Variants in DPP6 observed in about 807,000 individuals in gnomAD.
DPP6 encodes the protein A-type potassium channel modulatory protein DPP6.
DPP6 carries 69 observed loss-of-function variants against 122.6 expected under a neutral mutation model. That is an observed-to-expected ratio of 0.56 (90% confidence interval 0.46 to 0.69). The LOEUF (loss-of-function observed/expected upper bound fraction) is 0.69. DPP6 is among the 30% of genes least tolerant of loss of function. DPP6 has a pLI of 0.00. For synonymous variants in DPP6, 418 were observed against 433.1 expected, an observed-to-expected ratio of 0.97 and a Z score of 0.43; for missense variants, 928 against 1,116.9, an observed-to-expected ratio of 0.83 and a Z score of 2.41.
intron 16 of DPP6, among the ~76,000 whole-genome samples, chr7:154,819,921 G>T (rs1799653963): frequency 6.6e-6 from 1 of 152,182 alleles, no homozygotes; most frequent in Non-Finnish European, 1.5e-5. Context: ...AGTAGATGCT[G>T]CCGCCTCCCA....
At chr7:153,922,733 T>TA (rs1800697318) in intron 1 of DPP6, among the ~76,000 whole-genome samples, 1 of 152,192 alleles carries the variant, frequency 6.6e-6, no homozygotes, top group Non-Finnish European at 1.5e-5. Flanking sequence ...TGAAATGTGG[T>TA]AAAAGAACAT....
the DPP6 span, among the ~76,000 whole-genome samples, chr7:153,800,129 A>G: frequency 2.0e-5 from 3 of 152,236 alleles, no homozygotes; most frequent in African/African-American, 7.2e-5. Context: ...CACCCATTTT[A>G]TTACAGCACT....
At chr7:154,115,604 A>G (rs1806927650) in intron 1 of DPP6, among the ~76,000 whole-genome samples, 1 of 152,182 alleles carries the variant, frequency 6.6e-6, no homozygotes, top group Non-Finnish European at 1.5e-5. Flanking sequence ...AAAAGTTCAC[A>G]CGGACTGTAA....
chr7:154,623,661 A>G (rs62477228), intron 5 of DPP6, among the ~76,000 whole-genome samples: 34 of 72,622 alleles, frequency 4.7e-4, no homozygotes, highest in Non-Finnish European at 8.0e-4. Context: ...ACGCGCACAC[A>G]CACGCACACA....
At chr7:154,868,491 C>T (rs1043433869) in intron 18 of DPP6, among the ~76,000 whole-genome samples, 2 of 152,184 alleles carry the variant, frequency 1.3e-5, no homozygotes, top group African/African-American at 2.4e-5. Flanking sequence ...TGAGGGGCGT[C>T]CTTGCAGCCA....
At chr7:154,392,285 C>T (rs1392081857) in intron 1 of DPP6, among the ~76,000 whole-genome samples, 1 of 152,142 alleles carries the variant, frequency 6.6e-6, no homozygotes, top group African/African-American at 2.4e-5. Flanking sequence ...AACAAACAAA[C>T]AAACAACTGT....
chr7:154,549,939 G>A (rs1483017174), intron 4 of DPP6, among the ~76,000 whole-genome samples: 1 of 152,066 alleles, frequency 6.6e-6, no homozygotes, highest in Non-Finnish European at 1.5e-5. Flanking sequence ...ATTCACAAAA[G>A]TATACTTTAC....
chr7:154,088,043 T>C (rs1387381915), intron 1 of DPP6, among the ~76,000 whole-genome samples: 8 of 152,134 alleles, frequency 5.3e-5, no homozygotes, highest in Admixed American at 3.3e-4. Flanking sequence ...CTTATGTCCC[T>C]CATTGGAATC....
chr7:153,958,402 G>A (rs577775200), intron 1 of DPP6, among the ~76,000 whole-genome samples: 7 of 152,186 alleles, frequency 4.6e-5, no homozygotes, highest in East Asian at 2.0e-4. Flanking sequence ...GAGCTGTTGC[G>A]GTTCTAACAC....
At chr7:154,742,631 G>A (rs537766719) in intron 8 of DPP6, among the ~76,000 whole-genome samples, 1 of 152,336 alleles carries the variant, frequency 6.6e-6, no homozygotes, top group Non-Finnish European at 1.5e-5. Context: ...TGGAGGAGAC[G>A]CAAAATAGCT....
At chr7:154,806,916 C>T (rs761109022) in intron 15 of DPP6, 78 bp from the exon 16 acceptor site, 445 of 1,565,048 alleles carry the variant, frequency 2.8e-4, no homozygotes, top group Non-Finnish European at 3.7e-4. Flanking sequence ...ATGGGGAGAG[C>T]CCACCAGCTT....
intron 1 of DPP6, among the ~76,000 whole-genome samples, chr7:154,157,240 G>C (rs1796730951): frequency 6.6e-6 from 1 of 152,248 alleles, no homozygotes; most frequent in Non-Finnish European, 1.5e-5. Flanking sequence ...GAAGGAATCA[G>C]ATAGTGATAA....
intron 7 of DPP6, among the ~76,000 whole-genome samples, chr7:154,721,848 C>T (rs1056056273): frequency 6.6e-6 from 1 of 152,108 alleles, no homozygotes; most frequent in Non-Finnish European, 1.5e-5. Flanking sequence ...GGTTGACTCA[C>T]TTGCTCTTCA....
chr7:154,888,511 C>T (rs1806346696), intron 23 of DPP6, among the ~76,000 whole-genome samples: 1 of 152,168 alleles, frequency 6.6e-6, no homozygotes. Context: ...GGAGGGAGGC[C>T]AGAGCTCCTG....
At chr7:153,863,868 A>T in the DPP6 span, among the ~76,000 whole-genome samples, 8 of 152,172 alleles carry the variant, frequency 5.3e-5, no homozygotes, top group Non-Finnish European at 1.0e-4. Context: ...TTAGGATGAA[A>T]TGTTTTCAAA....
At chr7:154,298,590 C>G (rs945159192) in intron 1 of DPP6, among the ~76,000 whole-genome samples, 2 of 152,152 alleles carry the variant, frequency 1.3e-5, no homozygotes, top group African/African-American at 4.8e-5. Context: ...GAGATGTACC[C>G]GTGTTCTTTT....
intron 8 of DPP6, among the ~76,000 whole-genome samples, chr7:154,736,729 T>G (rs966245238): frequency 5.0e-4 from 76 of 152,386 alleles, no homozygotes; most frequent in African/African-American, 1.8e-3. Flanking sequence ...AGTCAAGAAC[T>G]GTATTTTATA....
At chr7:154,492,324 A>G (rs1586441505) in intron 3 of DPP6, among the ~76,000 whole-genome samples, 1 of 152,232 alleles carries the variant, frequency 6.6e-6, no homozygotes, top group South Asian at 2.1e-4. Flanking sequence ...AACTCAGTGC[A>G]AACATCAGAT....
Position 154,760,981 on chromosome 7 carries a change from C to T in DPP6, c.884-8436C>T, listed in dbSNP as rs952220898. On this transcript the variant is annotated intron_variant, in intron 8 of 25. Coordinates refer to ENST00000377770, the MANE Select transcript of DPP6 (RefSeq NM_130797.4). The surrounding 1 kb of genome is among the most constrained non-coding windows in gnomAD (Gnocchi z 4.5). Reference sequence around the variant, plus strand: ...TCCCGGATAGCTGGGACTACAGGCGCCTGCCACCATGCCCGGCTAATTTTT... The same window carrying T: ...TCCCGGATAGCTGGGACTACAGGCGTCTGCCACCATGCCCGGCTAATTTTT... Among the ~76,000 whole-genome samples the T allele has an allele frequency of 2.6e-5, 4 of 151,980 alleles. No individual in the cohort carries two copies. The highest frequency in any genetic ancestry group is 9.7e-5 in the African/African-American group (4 of 41,340).
Sources: gnomAD v4.1 joint callset for allele counts (sites outside exome capture counted in the v4.1 genomes callset) on GRCh38, gnomAD v4.1.1 for gene constraint, Gnocchi (gnomAD v3.1) non-coding constraint, MANE v1.5 for transcripts, NCBI Gene and HGNC (gene_info 2026-07-23, HGNC 2026-07-21) for gene names.